Variants in CHD1L observed in about 807,000 individuals in gnomAD.
The protein encoded by CHD1L is ATP-dependent chromatin remodeler CHD1L.
In CHD1L, 118 loss-of-function variants were observed where a neutral mutation model predicts 115.9. The ratio of observed to expected loss-of-function variants is 1.02; its 90% CI spans 0.88 to 1.19. The LOEUF (loss-of-function observed/expected upper bound fraction) is 1.19. Among genes scored for constraint, CHD1L ranks in the 50% most tolerant of loss-of-function variants. CHD1L has a pLI of 0.00. For missense variants in CHD1L, 1,179 were observed against 1,065.3 expected (o/e 1.11, Z -1.49); for synonymous variants, 411 against 387.1 (o/e 1.06, Z -0.72).
the CHD1L span, among the ~76,000 whole-genome samples, chr1:147,218,370 G>A: frequency 6.6e-6 from 1 of 151,936 alleles, no homozygotes; most frequent in African/African-American, 2.4e-5. Context: ...CGAGTAGCTG[G>A]GCCTACAGGC....
intron 2 of CHD1L, among the ~76,000 whole-genome samples, chr1:147,253,789 C>T (rs972758754): frequency 6.6e-6 from 1 of 152,254 alleles, no homozygotes; most frequent in Non-Finnish European, 1.5e-5. Flanking sequence ...TGAGCCACTG[C>T]ACCCAGCCCA....
At chr1:147,254,025 A>G (rs1669252779) in intron 2 of CHD1L, among the ~76,000 whole-genome samples, 1 of 152,140 alleles carries the variant, frequency 6.6e-6, no homozygotes. Flanking sequence ...TAGCTTTCTC[A>G]GGATTTTGAA....
intron 8 of CHD1L, 87 bp from the exon 9 acceptor site, chr1:147,267,339 G>T: frequency 1.1e-6 from 1 of 880,496 alleles, no homozygotes; most frequent in Non-Finnish European, 1.8e-6. Context: ...AAATGATTAA[G>T]GTTACTTGTA....
chr1:147,256,932 G>A (rs1258348547), intron 5 of CHD1L, among the ~76,000 whole-genome samples: 1 of 152,218 alleles, frequency 6.6e-6, no homozygotes, highest in Non-Finnish European at 1.5e-5. Context: ...CATTTGGAGA[G>A]TTTGCTGTAA....
chr1:147,201,419 C>A, the CHD1L span: 24 of 1,614,024 alleles, frequency 1.5e-5, no homozygotes, highest in Non-Finnish European at 1.9e-5. Flanking sequence ...TCCGTGAATT[C>A]CTTCACATTT....
rs1553973148 is a variant in CHD1L, at chr1:147,293,669, C to T, written c.2453C>T (p.Ala818Val). 6.2e-6 allele frequency: 10 copies of T among 1,614,070 alleles called. No homozygotes were observed. Among genetic ancestry groups the T allele is most frequent in the Middle Eastern group, 1.6e-4 (1 of 6,062 alleles). The change falls in exon 21 of 23, where the codon GCA (alanine) becomes GTA (valine). Residue 818 changes from alanine (A) to valine (V), a missense_variant. Coordinates refer to ENST00000369258, the MANE Select transcript of CHD1L (RefSeq NM_004284.6). ...RSNVLSGIKMAALEEGLKKIF... is the reference protein window; with the variant it reads ...RSNVLSGIKMVALEEGLKKIF... Reference sequence around the variant, plus strand: ...AATGTCCTGTCTGGCATTAAGATGGCAGCCCTAGAAGAGGGCCTGAAGAAG... The same window carrying T: ...AATGTCCTGTCTGGCATTAAGATGGTAGCCCTAGAAGAGGGCCTGAAGAAG...
chr1:147,176,021 G>A, the CHD1L span: 1 of 151,718 alleles, frequency 6.6e-6, no homozygotes, highest in Non-Finnish European at 1.5e-5. Context: ...TATGGAACAG[G>A]TCTGTATCTT....
chr1:147,288,281 C>T (rs587671751), intron 19 of CHD1L, among the ~76,000 whole-genome samples: 5 of 126,906 alleles, frequency 3.9e-5, no homozygotes, highest in South Asian at 5.1e-4. Flanking sequence ...GCTGTGATTA[C>T]ACCACTGTAC....
chr1:147,230,925 C>G, the CHD1L span, among the ~76,000 whole-genome samples: 2 of 151,626 alleles, frequency 1.3e-5, no homozygotes, highest in Non-Finnish European at 2.9e-5. Flanking sequence ...TGCTAGCAGT[C>G]TATCAATTTT....
At position 147,287,656 on chromosome 1, in the gene CHD1L, G is replaced by A; in HGVS notation, c.2243G>A (p.Arg748Lys). Reference protein sequence around the residue: ...HCVDDSGHWGRGGLFTALEKR... With the variant: ...HCVDDSGHWGKGGLFTALEKR... Reference sequence around the variant, plus strand: ...ACAGATGACTCTGGCCACTGGGGCAGAGGTGGTTTATTTACAGCTCTGGAA... The same window carrying A: ...ACAGATGACTCTGGCCACTGGGGCAAAGGTGGTTTATTTACAGCTCTGGAA... Residue 748 changes from arginine to lysine, a missense_variant, in exon 19 of 23, where the codon AGA becomes AAA. Physicochemically the swap from Arg to Lys is conservative, Grantham distance 26. Coordinates refer to ENST00000369258, the MANE Select transcript of CHD1L (RefSeq NM_004284.6). 6.2e-7 allele frequency: 1 copy of A among 1,614,018 alleles called. No individual in the cohort carries two copies. Among genetic ancestry groups the A allele is most frequent in the Non-Finnish European group, 8.5e-7 (1 of 1,179,980 alleles).
chr1:147,178,268 T>A, the CHD1L span: 1 of 1,613,696 alleles, frequency 6.2e-7, no homozygotes, highest in Non-Finnish European at 8.5e-7. Flanking sequence ...CTCGTCGAGT[T>A]CTTCGCCCCC....
In CHD1L at chr1:147,295,684, T is replaced by C. The variant is rs1054589760; in HGVS notation, c.*175T>C. 3.7e-6 allele frequency: 2 copies of C among 539,690 alleles called. No homozygotes were observed. The highest frequency in any genetic ancestry group is 2.0e-5 in the African/African-American group (1 of 50,576). 33.4% of individuals were successfully genotyped at this position (539,690 alleles called of 1,614,324 possible). On this transcript the variant is annotated 3_prime_UTR_variant, in exon 23 of 23. Transcript: ENST00000369258. ...TTGCTCTGTTTTGGTACCTGTAATA[T>C]AGGGAAACACAACTTTTTTTGGGAA...
the CHD1L span, chr1:147,178,418 C>A: frequency 1.2e-6 from 2 of 1,611,322 alleles, no homozygotes; most frequent in South Asian, 1.1e-5. Flanking sequence ...GGATATCCAA[C>A]CCTGAATATG....
At chr1:147,213,201 C>G in the CHD1L span, 1 of 916,162 alleles carries the variant, frequency 1.1e-6, no homozygotes, top group Admixed American at 2.8e-5. Flanking sequence ...TAGGATAAGT[C>G]TTACTTCATT....
the CHD1L span, chr1:147,178,858 G>A: frequency 1.3e-6 from 2 of 1,583,514 alleles, no homozygotes; most frequent in Admixed American, 3.3e-5. Context: ...TCACATGACA[G>A]AAGACAATAA....
chr1:147,220,955 A>AC, the CHD1L span, among the ~76,000 whole-genome samples: 1 of 151,810 alleles, frequency 6.6e-6, no homozygotes, highest in Non-Finnish European at 1.5e-5. Flanking sequence ...AAAAAAAAAA[A>AC]AAAACAGTGG....
At chr1:147,226,523 A>C in the CHD1L span, among the ~76,000 whole-genome samples, 3 of 152,216 alleles carry the variant, frequency 2.0e-5, no homozygotes, top group South Asian at 6.2e-4. Flanking sequence ...TTTCAAATAT[A>C]AAGTCATGTA....
intron 1 of CHD1L, among the ~76,000 whole-genome samples, chr1:147,250,627 T>TGGCTGGGG (rs1668116669): frequency 6.6e-6 from 1 of 152,208 alleles, no homozygotes; most frequent in Admixed American, 6.5e-5. Context: ...TATACCATCC[T>TGGCTGGGG]GGCTGGGGTG....
rs1399663393 is a variant in CHD1L, at chr1:147,284,514, T to C, written c.1854+15T>C. 1 of 1,555,780 alleles carries C rather than the reference T, an allele frequency of 6.4e-7. No individual in the cohort carries two copies. The highest frequency in any genetic ancestry group is 8.6e-7 in the Non-Finnish European group (1 of 1,159,418). ...ATAAAGGCAGTGTAAGAACTGTTAA[T>C]TTATTTAAAAGTTGTTCTTCCAAAC... On this transcript the variant is annotated intron_variant, in intron 16 of 22. Coordinates refer to ENST00000369258, the MANE Select transcript of CHD1L (RefSeq NM_004284.6).
Sources: gnomAD v4.1 joint callset for allele counts (sites outside exome capture counted in the v4.1 genomes callset) on GRCh38, gnomAD v4.1.1 for gene constraint, MANE v1.5 for transcripts, NCBI Gene and HGNC (gene_info 2026-07-23, HGNC 2026-07-21) for gene names.